NDUFB9: variants seen among roughly 807,000 people sequenced by gnomAD.
The protein encoded by NDUFB9 is NADH dehydrogenase [ubiquinone] 1 beta subcomplex subunit 9.
Under a neutral mutation model 30.2 loss-of-function variants are expected in NDUFB9, and 24 were observed. The observed-to-expected ratio is 0.80, with a 90% CI of 0.58 to 1.12. The LOEUF is 1.12. Among genes scored for constraint, NDUFB9 ranks in the 50% most tolerant of loss-of-function variants. NDUFB9 has a pLI of 0.00. For synonymous variants in NDUFB9, 80 were observed against 84.0 expected, an observed-to-expected ratio of 0.95 and a Z score of 0.26; for missense variants, 204 against 226.0, an observed-to-expected ratio of 0.90 and a Z score of 0.62.
At chr8:124,546,799 T>G (rs928595938) in intron 2 of NDUFB9, 1 of 616,134 alleles carries the variant, frequency 1.6e-6, no homozygotes, top group African/African-American at 1.8e-5. Context: ...TTCAGCACAG[T>G]CTTTGACTCT....
chr8:124,548,825 A>G (rs1176706209), intron 3 of NDUFB9, among the ~76,000 whole-genome samples: 1 of 152,150 alleles, frequency 6.6e-6, no homozygotes, highest in African/African-American at 2.4e-5. Context: ...AGTTTCAAGG[A>G]GGCATTTAAA....
At position 124,543,271 on chromosome 8, in the gene NDUFB9, TG is replaced by T; in HGVS notation, c.287del (p.Cys96SerfsTer9). On this transcript the variant is annotated frameshift_variant, in exon 2 of 4. Coordinates refer to ENST00000276689, the MANE Select transcript of NDUFB9 (RefSeq NM_005005.3). LOFTEE classifies it high-confidence loss of function. Reference protein sequence around the residue: ...PGGTSYERYDCYKVPEWCLDD... With the variant: ...PGGTSYERYDXYKVPEWCLDD... The stretch of plus-strand genomic sequence containing the variant: ...GGGCACCTCCTATGAGAGATACGAT[TG>T]CTACAAGGTAGGTGAGAATTATGAT... 1 of 1,613,594 alleles carries T rather than the reference TG, an allele frequency of 6.2e-7. No individual in the cohort carries two copies. The highest frequency in any genetic ancestry group is 2.2e-5 in the East Asian group (1 of 44,870).
rs1200311541 is a variant in NDUFB9 at position 124,539,179 on chromosome 8, G to T, written c.-8G>T. The T allele has an allele frequency of 1.9e-6, 3 of 1,614,194 alleles. No homozygotes were observed. The highest frequency in any genetic ancestry group is 2.5e-6 in the Non-Finnish European group (3 of 1,179,994). ...CTCTCCGCGCGGCCGGGGAAGGTCA[G>T]CGCCGTAATGGCGTTCTTGGCGTCG... On this transcript the variant is annotated 5_prime_UTR_variant, in exon 1 of 4. Transcript: ENST00000276689.
intron 1 of NDUFB9, among the ~76,000 whole-genome samples, chr8:124,540,374 G>A (rs1167697621): frequency 6.6e-6 from 1 of 152,192 alleles, no homozygotes; most frequent in Non-Finnish European, 1.5e-5. Context: ...TCACGGATTA[G>A]TGGGGAAAAT....
At chr8:124,546,440 A>G (rs771250020) in intron 2 of NDUFB9, among the ~76,000 whole-genome samples, 7 of 152,124 alleles carry the variant, frequency 4.6e-5, no homozygotes, top group Non-Finnish European at 1.0e-4. Flanking sequence ...AACCAAAAAC[A>G]TTTTGTGACT....
chr8:124,544,704 A>G (rs1162338023), intron 2 of NDUFB9, among the ~76,000 whole-genome samples: 1 of 152,252 alleles, frequency 6.6e-6, no homozygotes, highest in Non-Finnish European at 1.5e-5. Context: ...TTTTAAGCCC[A>G]TTGTTGAGAC....
At chr8:124,540,632 C>T (rs1224154376) in intron 1 of NDUFB9, among the ~76,000 whole-genome samples, 1 of 152,128 alleles carries the variant, frequency 6.6e-6, no homozygotes, top group Non-Finnish European at 1.5e-5. Context: ...TACTAAAGTC[C>T]ATAGTTCTAG....
chr8:124,539,636 TCTC>T (rs1024324077), intron 1 of NDUFB9, among the ~76,000 whole-genome samples: 1 of 152,182 alleles, frequency 6.6e-6, no homozygotes, highest in African/African-American at 2.4e-5. Context: ...TTCACGATCT[TCTC>T]CTTTCCAATA....
chr8:124,540,421 C>T (rs1821904821), intron 1 of NDUFB9, among the ~76,000 whole-genome samples: 1 of 152,106 alleles, frequency 6.6e-6, no homozygotes, highest in Non-Finnish European at 1.5e-5. Flanking sequence ...GGAAGTTGAG[C>T]CATCAGGGAT....
chr8:124,540,697 T>G (rs1007799617), intron 1 of NDUFB9, among the ~76,000 whole-genome samples: 1 of 152,186 alleles, frequency 6.6e-6, no homozygotes, highest in African/African-American at 2.4e-5. Context: ...ATTTTTTAGA[T>G]CTGACATTCT....
intron 1 of NDUFB9, among the ~76,000 whole-genome samples, chr8:124,542,293 C>T (rs1394435021): frequency 6.6e-6 from 1 of 152,022 alleles, no homozygotes; most frequent in Non-Finnish European, 1.5e-5. Flanking sequence ...CTCAGGTGAT[C>T]CACACGCCTT....
At chr8:124,544,174 A>C (rs1822100605) in intron 2 of NDUFB9, among the ~76,000 whole-genome samples, 1 of 152,362 alleles carries the variant, frequency 6.6e-6, no homozygotes, top group Middle Eastern at 3.4e-3. Context: ...GCCAAAGCCT[A>C]ATCCAAAGCA....
intron 3 of NDUFB9, among the ~76,000 whole-genome samples, chr8:124,549,002 G>A (rs1822247100): frequency 6.6e-6 from 1 of 152,252 alleles, no homozygotes; most frequent in Non-Finnish European, 1.5e-5. Flanking sequence ...GCAGTGTTTT[G>A]TCAGAAATGT....
chr8:124,544,876 A>G (rs1202497770), intron 2 of NDUFB9, among the ~76,000 whole-genome samples: 2 of 152,204 alleles, frequency 1.3e-5, no homozygotes, highest in African/African-American at 2.4e-5. Context: ...AATTTTCTGG[A>G]AAGAATTCAC....
chr8:124,543,893 T>A (rs1321360356), intron 2 of NDUFB9, among the ~76,000 whole-genome samples: 1 of 152,208 alleles, frequency 6.6e-6, no homozygotes, highest in Non-Finnish European at 1.5e-5. Context: ...TCACTTTAAA[T>A]CCGTTACACG....
At chr8:124,549,705 A>AT in intron 3 of NDUFB9, 56 bp from the exon 4 acceptor site, 1 of 1,567,632 alleles carries the variant, frequency 6.4e-7, no homozygotes, top group Non-Finnish European at 8.8e-7. Context: ...CAGCAGACAG[A>AT]TTTTTATAGT....
intron 3 of NDUFB9, among the ~76,000 whole-genome samples, chr8:124,548,228 C>T (rs192323243): frequency 3.3e-5 from 5 of 151,892 alleles, no homozygotes; most frequent in African/African-American, 4.8e-5. Context: ...GAAACAGAAA[C>T]GTGGGAGTTT....
At chr8:124,548,733 TA>T (rs920378929) in intron 3 of NDUFB9, among the ~76,000 whole-genome samples, 1 of 151,214 alleles carries the variant, frequency 6.6e-6, no homozygotes, top group African/African-American at 2.4e-5. Context: ...AAGCTGAATT[TA>T]AAAAAAAACA....
At chr8:124,545,892 G>T (rs2131610723) in intron 2 of NDUFB9, among the ~76,000 whole-genome samples, 1 of 152,206 alleles carries the variant, frequency 6.6e-6, no homozygotes, top group East Asian at 1.9e-4. Context: ...GCCCAGGCTG[G>T]AGTGCAATGG....
Sources: allele counts gnomAD v4.1 joint callset (sites outside exome capture counted in the v4.1 genomes callset), GRCh38; gene constraint gnomAD v4.1.1; transcripts MANE v1.5; gene names NCBI Gene and HGNC (gene_info 2026-07-23, HGNC 2026-07-21).